Variants in UGT1A8 observed in about 807,000 individuals in gnomAD.
UGT1A8 encodes UDP glucuronosyltransferase family 1 member A8.
A neutral mutation model predicts 45.3 loss-of-function variants in UGT1A8; 39 were observed. That is an observed-to-expected ratio of 0.86 (90% CI 0.67 to 1.12). The LOEUF (loss-of-function observed/expected upper bound fraction) is 1.12. UGT1A8 is among the 50% of genes most tolerant of loss of function. UGT1A8 has a pLI of 0.00. For synonymous variants in UGT1A8, 275 were observed against 249.2 expected (o/e 1.10, Z -0.97); for missense variants, 719 against 664.9 (o/e 1.08, Z -0.90).
At chr2:233,670,839 G>A (rs1339411716) in intron 1 of UGT1A8, among the ~76,000 whole-genome samples, 3 of 152,134 alleles carry the variant, frequency 2.0e-5, no homozygotes, top group Non-Finnish European at 4.4e-5. Flanking sequence ...TCTCTTACTG[G>A]CAAGATATTA....
intron 1 of UGT1A8, among the ~76,000 whole-genome samples, chr2:233,662,638 T>A (rs764298533): frequency 1.3e-4 from 20 of 152,322 alleles, no homozygotes; most frequent in Non-Finnish European, 2.2e-4. Context: ...CTTGTTTGAC[T>A]GCATTGAATA....
At chr2:233,632,996 G>T (rs1181154262) in intron 1 of UGT1A8, among the ~76,000 whole-genome samples, 4 of 152,124 alleles carry the variant, frequency 2.6e-5, no homozygotes, top group Admixed American at 6.6e-5. Context: ...ATTATTTTGA[G>T]ATACGTTCCA....
intron 1 of UGT1A8, among the ~76,000 whole-genome samples, chr2:233,692,535 A>C (rs1469514981): frequency 6.6e-6 from 1 of 152,282 alleles, no homozygotes; most frequent in African/African-American, 2.4e-5. Context: ...CTCAGAATTC[A>C]GTTCAGAATG....
At chr2:233,660,164 G>A (rs2073936186) in intron 1 of UGT1A8, among the ~76,000 whole-genome samples, 1 of 152,156 alleles carries the variant, frequency 6.6e-6, no homozygotes, top group Non-Finnish European at 1.5e-5. Context: ...GGGCTTGATG[G>A]CTTTCACAGC....
At chr2:233,698,914 C>T (rs12471030) in intron 1 of UGT1A8, among the ~76,000 whole-genome samples, 26,852 of 152,182 alleles carry the variant, frequency 0.18, 2,658 homozygotes, top group Non-Finnish European at 0.23. Flanking sequence ...CAAGGAGGGA[C>T]GTGGCCGTCT....
At chr2:233,767,764 C>A (rs1699474752) in intron 2 of UGT1A8, 85 bp from the exon 3 acceptor site, 1 of 1,608,290 alleles carries the variant, frequency 6.2e-7, no homozygotes, top group East Asian at 2.2e-5. Flanking sequence ...TTCAGAGGAC[C>A]CCTGTTTTCT....
intron 1 of UGT1A8, chr2:233,760,411 A>G (rs1575771994): frequency 6.2e-7 from 1 of 1,614,192 alleles, no homozygotes; most frequent in Non-Finnish European, 8.5e-7. Context: ...CCACTGGCTG[A>G]GCATGCTTGG....
At chr2:233,710,438 C>T (rs1483320270) in intron 1 of UGT1A8, among the ~76,000 whole-genome samples, 4 of 152,172 alleles carry the variant, frequency 2.6e-5, no homozygotes, top group African/African-American at 9.7e-5. Flanking sequence ...TATTTTTAGT[C>T]TTTTACATTT....
intron 1 of UGT1A8, among the ~76,000 whole-genome samples, chr2:233,707,043 G>C (rs561019042): frequency 3.9e-5 from 6 of 152,134 alleles, no homozygotes; most frequent in South Asian, 2.1e-4. Context: ...GGTAGAGGAA[G>C]CTGCTCAGGT....
At position 233,693,631 on chromosome 2, in the gene UGT1A8, G is replaced by T. The variant is rs17863783; in HGVS notation, c.856-73403G>T. The T allele has an allele frequency of 0.029, 47,294 of 1,614,074 alleles. 1,195 individuals are homozygous for T. Among genetic ancestry groups the T allele is most frequent in the African/African-American group, 0.12 (8,744 of 74,988 alleles). The stretch of plus-strand genomic sequence containing the variant: ...ACCACATGACTTTTTCCCAACGAGT[G>T]GCCAACTTCCTTGTTAATTTGTTGG... On this transcript the variant is annotated intron_variant, in intron 1 of 4. Coordinates refer to ENST00000373450, the MANE Select transcript of UGT1A8 (RefSeq NM_019076.5).
rs572113839 is a variant in UGT1A8, at chr2:233,733,665, C to T, written c.856-33369C>T. Among the ~76,000 whole-genome samples the T allele has an allele frequency of 5.3e-5, 8 of 152,280 alleles. No individual in the cohort carries two copies. The East Asian group carries it at 7.7e-4, about 15-fold the overall frequency. ...ATCCCAAGGATGAAGCCGACTTGAT[C>T]GATGTGGATAAACTTTTTGATGTGC... On this transcript the variant is annotated intron_variant, in intron 1 of 4. Transcript: ENST00000373450.
At chr2:233,660,963 T>G (rs2073950846) in intron 1 of UGT1A8, among the ~76,000 whole-genome samples, 2 of 152,142 alleles carry the variant, frequency 1.3e-5, no homozygotes, top group Non-Finnish European at 2.9e-5. Flanking sequence ...CTTTATATCC[T>G]TCAGTTTTAT....
intron 1 of UGT1A8, among the ~76,000 whole-genome samples, chr2:233,650,189 C>T (rs1447184437): frequency 2.6e-5 from 4 of 152,158 alleles, no homozygotes; most frequent in South Asian, 2.1e-4. Context: ...AGGCTGGTCT[C>T]GAACTCCTGA....
intron 1 of UGT1A8, among the ~76,000 whole-genome samples, chr2:233,631,960 G>A (rs2073194538): frequency 6.6e-6 from 1 of 151,998 alleles, no homozygotes. Flanking sequence ...GAGTTTTCAT[G>A]GTTTTAGGTC....
At position 233,637,314 on chromosome 2, in the gene UGT1A8, C is replaced by G. The variant is rs768029713; in HGVS notation, c.855+18752C>G. ...ACTTTGTTTTGGACTATCCCAAACCCGTGATGCCCAACATGATCTTCATTG... is the reference window on the plus strand; with the variant it reads ...ACTTTGTTTTGGACTATCCCAAACCGGTGATGCCCAACATGATCTTCATTG... On this transcript the variant is annotated intron_variant, in intron 1 of 4. Transcript: ENST00000373450. The G allele has an allele frequency of 1.9e-6, 3 of 1,613,918 alleles. No individual in the cohort carries two copies. In the Admixed American group the frequency reaches 5.0e-5, roughly 27 times the overall value.
At chr2:233,710,699 G>A (rs1196566997) in intron 1 of UGT1A8, among the ~76,000 whole-genome samples, 1 of 152,144 alleles carries the variant, frequency 6.6e-6, no homozygotes, top group Non-Finnish European at 1.5e-5. Context: ...CTGGTGTGTG[G>A]TGTCCTTTGT....
At chr2:233,638,735 AAC>A (rs1465662640) in intron 1 of UGT1A8, among the ~76,000 whole-genome samples, 1 of 152,176 alleles carries the variant, frequency 6.6e-6, no homozygotes, top group East Asian at 1.9e-4. Flanking sequence ...TAGACTTTGT[AAC>A]ACAGTTATAT....
At position 233,690,776 on chromosome 2, in the gene UGT1A8, T is replaced by TACACACAC. The variant is rs34459843; in HGVS notation, c.855+72231_855+72238dup. ...GTGCAGACATACACACACACACACA[T>TACACACAC]ACACACACACACACACACACACACC... On this transcript the variant is annotated intron_variant, in intron 1 of 4. Transcript: ENST00000373450. The TACACACAC allele has an allele frequency of 4.5e-6, 4 of 891,056 alleles. No homozygotes were observed. In the African/African-American group the frequency reaches 7.1e-5, roughly 16 times the overall value. The allele number at this position is 891,056 out of a possible 1,614,324, so 55.2% of individuals were successfully genotyped here. A position where few individuals can be genotyped will look rare whatever the true frequency, so the allele number is the denominator to read the frequency against.
chr2:233,654,975 T>G (rs1352614185), intron 1 of UGT1A8, among the ~76,000 whole-genome samples: 1 of 151,912 alleles, frequency 6.6e-6, no homozygotes, highest in Non-Finnish European at 1.5e-5. Context: ...TCTGTAATCA[T>G]AGCTACTCGA....
Sources: gnomAD v4.1 joint callset for allele counts (sites outside exome capture counted in the v4.1 genomes callset) on GRCh38, gnomAD v4.1.1 for gene constraint, MANE v1.5 for transcripts, NCBI Gene and HGNC (gene_info 2026-07-23, HGNC 2026-07-21) for gene names.